Variants in RACGAP1 observed in about 807,000 individuals in gnomAD.
The protein encoded by RACGAP1 is rac GTPase-activating protein 1.
RACGAP1 carries 30 observed loss-of-function variants against 78.1 expected under a neutral mutation model. That is an observed-to-expected ratio of 0.38 (90% CI 0.29 to 0.52). RACGAP1 has a LOEUF of 0.52. Ranked by LOEUF, RACGAP1 falls within the 20% of genes least tolerant of loss-of-function variation. RACGAP1 has a pLI of 0.82. For synonymous variants in RACGAP1, 231 were observed against 264.8 expected, an observed-to-expected ratio of 0.87 and a Z score of 1.24; for missense variants, 587 against 777.1, an observed-to-expected ratio of 0.76 and a Z score of 2.91.
At position 50,006,486 on chromosome 12, in the gene RACGAP1, A is replaced by C. The variant is rs766081912; in HGVS notation, c.236T>G (p.Val79Gly). Residue 79 changes from valine to glycine, a missense_variant, in exon 3 of 17, where the codon GTG becomes GGG. Transcript: ENST00000312377. ...CTGTCTCCGTTTGATCTCTACATCC[A>C]CCTGATTACGTGCATGCTTCAGCTT... ...DVKLKHARNQ[V>G]DVEIKRRQRA... The C allele has an allele frequency of 2.5e-6, 4 of 1,614,112 alleles. No homozygotes were observed. In the East Asian group the frequency reaches 8.9e-5, roughly 36 times the overall value.
chr12:49,990,550 A>T (rs1947767764), intron 16 of RACGAP1, 134 bp downstream of exon 16: 2 of 809,022 alleles, frequency 2.5e-6, no homozygotes, highest in African/African-American at 1.7e-5. Context: ...GAATCCTTAT[A>T]GCCCCACGTT....
Position 50,032,536 on chromosome 12 carries a change from AGTGTGT to A in RACGAP1, c.-195+428_-195+433del, listed in dbSNP as rs60239235. 2.2e-4 allele frequency among the ~76,000 whole-genome samples: 32 copies of A among 147,116 alleles called. No homozygotes were observed. The East Asian group carries it at 2.6e-3, about 12-fold the overall frequency. ...CGAGAAGGCAGCAAAGGAAAAGGTGAGTGTGTGTGTGTGTGTGTGTGTGTGTGTGTG... is the reference window on the plus strand; with the variant it reads ...CGAGAAGGCAGCAAAGGAAAAGGTGAGTGTGTGTGTGTGTGTGTGTGTGTG... On this transcript the variant is annotated intron_variant, in intron 1 of 3. Transcript: ENST00000548247.
At position 50,006,517 on chromosome 12, in the gene RACGAP1, C is replaced by T. The variant is rs139702064; in HGVS notation, c.205G>A (p.Asp69Asn). 819 of 1,614,160 alleles carry T rather than the reference C, an allele frequency of 5.1e-4. 1 individual carries two copies. The highest frequency in any genetic ancestry group is 7.5e-4 in the Admixed American group (45 of 60,016). ...MKAETERSAL[D>N]VKLKHARNQV... ...TTACGTGCATGCTTCAGCTTAACAT[C>T]CAGAGCACTTCGCTCAGTCTCTGCT... The change falls in exon 3 of 17, where the codon GAT becomes AAT. Residue 69 changes from aspartate (D) to asparagine (N), a missense_variant. By Grantham distance (23) the Asp-to-Asn change is conservative (BLOSUM62 1). Transcript: ENST00000312377.
chr12:50,007,087 C>G (rs1024248829), intron 2 of RACGAP1, among the ~76,000 whole-genome samples: 4 of 152,160 alleles, frequency 2.6e-5, no homozygotes, highest in African/African-American at 9.7e-5. Flanking sequence ...AATGTAACTG[C>G]TGTAATATGC....
intron 2 of RACGAP1, among the ~76,000 whole-genome samples, chr12:50,011,017 G>A (rs1294677575): frequency 6.6e-6 from 1 of 151,950 alleles, no homozygotes; most frequent in Non-Finnish European, 1.5e-5. Context: ...GGGATACTTG[G>A]GCATGTGGGG....
intron 3 of RACGAP1, 41 bp downstream of exon 3, chr12:50,006,393 T>G: frequency 6.2e-7 from 1 of 1,604,100 alleles, no homozygotes; most frequent in Non-Finnish European, 8.5e-7. Context: ...GCCTTCCCCC[T>G]CCTGCATCAT....
rs1947735552 is a variant in RACGAP1, at chr12:49,990,172, A to T, written c.*96T>A. On this transcript the variant is annotated 3_prime_UTR_variant, in exon 17 of 17. Transcript: ENST00000312377. Reference sequence around the variant, plus strand: ...CTTGAGTAAAAGCCTGGAGAATGCTAAAAGTAGTAATGAGTACAGGAGGCT... The same window carrying T: ...CTTGAGTAAAAGCCTGGAGAATGCTTAAAGTAGTAATGAGTACAGGAGGCT... The T allele has an allele frequency of 9.9e-7, 1 of 1,011,538 alleles. No homozygotes were observed. Among genetic ancestry groups the T allele is most frequent in the East Asian group, 2.4e-5 (1 of 41,386 alleles). The allele number at this position is 1,011,538 out of a possible 1,614,324, so 62.7% of individuals were successfully genotyped here.
intron 6 of RACGAP1, among the ~76,000 whole-genome samples, chr12:50,001,895 G>A (rs577301444): frequency 1.3e-5 from 2 of 151,834 alleles, no homozygotes; most frequent in African/African-American, 2.4e-5. Context: ...GTGAAACCCC[G>A]TTTCTACTAA....
Position 49,992,009 on chromosome 12 carries a change from G to T in RACGAP1, c.1703C>A (p.Pro568Gln). ...NSNAFSTPQT[P>Q]DIKVSLLGPV... The stretch of plus-strand genomic sequence containing the variant: ...ATCTTGGGCCTTACCTTTAATATCT[G>T]GTGTCTGTGGTGTTGAAAAGGCATT... Residue 568 changes from proline to glutamine, a missense_variant, in exon 15 of 17, where the codon CCA (proline) becomes CAA (glutamine). Coordinates refer to ENST00000312377, the MANE Select transcript of RACGAP1 (RefSeq NM_001319999.2). 6.2e-7 allele frequency: 1 copy of T among 1,613,790 alleles called. No individual in the cohort carries two copies. The highest frequency in any genetic ancestry group is 8.5e-7 in the Non-Finnish European group (1 of 1,179,962).
intron 15 of RACGAP1, among the ~76,000 whole-genome samples, chr12:49,991,058 A>C (rs540534407): frequency 1.4e-4 from 21 of 152,322 alleles, no homozygotes; most frequent in Middle Eastern, 3.4e-3. Context: ...TTTTAGCTAT[A>C]CTAGAAGAAG....
chr12:50,018,472 T>A lies in RACGAP1; in HGVS notation c.-4-1753A>T, dbSNP rs557544021. 5.7e-4 allele frequency: 653 copies of A among 1,150,476 alleles called. 5 individuals carry two copies. The highest frequency in any genetic ancestry group is 4.3e-3 in the Middle Eastern group (19 of 4,410). 71.3% of individuals were successfully genotyped at this position (1,150,476 alleles called of 1,614,324 possible). On this transcript the variant is annotated intron_variant, in intron 1 of 16. Coordinates refer to ENST00000312377, the MANE Select transcript of RACGAP1 (RefSeq NM_001319999.2). ...CCGGCAGGAAGAGCTGTGGAATTCA[T>A]GGAGATGCCATGGATTTAACATATA...
chr12:50,002,022 G>A (rs772164104), intron 6 of RACGAP1, among the ~76,000 whole-genome samples: 72 of 146,880 alleles, frequency 4.9e-4, no homozygotes, highest in Admixed American at 2.4e-3. Context: ...CCGAGATCGC[G>A]CCATTGCACT....
intron 10 of RACGAP1, among the ~76,000 whole-genome samples, chr12:49,995,285 T>A (rs542408217): frequency 2.2e-4 from 34 of 151,848 alleles, no homozygotes; most frequent in African/African-American, 7.7e-4. Flanking sequence ...GAGGTGGAGG[T>A]TGTGGTGAGT....
At chr12:50,017,499 GA>G (rs1185500145) in intron 1 of RACGAP1, among the ~76,000 whole-genome samples, 1 of 152,168 alleles carries the variant, frequency 6.6e-6, no homozygotes, top group Non-Finnish European at 1.5e-5. Flanking sequence ...TGATACTATA[GA>G]AAAAACAGTG....
rs1352580690 is a variant in RACGAP1, at chr12:49,989,506, T to C, written c.*762A>G. Reference sequence around the variant, plus strand: ...GCTCCACTGGACAAGGTTGGGGGTATGGGGGCCAAGCATCAGAATGAATTC... The same window carrying C: ...GCTCCACTGGACAAGGTTGGGGGTACGGGGGCCAAGCATCAGAATGAATTC... On this transcript the variant is annotated 3_prime_UTR_variant, in exon 17 of 17. Coordinates refer to ENST00000312377, the MANE Select transcript of RACGAP1 (RefSeq NM_001319999.2). 1 of 152,214 alleles carries C rather than the reference T, an allele frequency of 6.6e-6. No homozygotes were observed. Among genetic ancestry groups the C allele is most frequent in the African/African-American group, 2.4e-5 (1 of 41,440 alleles). The allele number at this position is 152,214 out of a possible 1,614,324, so 9.4% of individuals were successfully genotyped here. A position where few individuals can be genotyped will look rare whatever the true frequency, so the allele number is the denominator to read the frequency against.
At chr12:50,002,884 C>A (rs1306303789) in intron 5 of RACGAP1, among the ~76,000 whole-genome samples, 1 of 151,948 alleles carries the variant, frequency 6.6e-6, no homozygotes, top group Non-Finnish European at 1.5e-5. Flanking sequence ...ATTAGCCAGG[C>A]GTGGTGGCGG....
In RACGAP1 at chr12:49,992,274, T is replaced by G; in HGVS notation, c.1549A>C (p.Met517Leu). ...GGTTGACGCTTGATGTCCTGTAACA[T>G]TGTCACTGGGTCTGGATTGGGCACA... ...HAVPNPDPVT[M>L]LQDIKRQPKV... is the part of the protein sequence containing the mutation. The change falls in exon 14 of 17, where the codon ATG becomes CTG. Residue 517 changes from methionine to leucine, a missense_variant. Physicochemically the swap from Met to Leu is conservative, Grantham distance 15 (BLOSUM62 2). Coordinates refer to ENST00000312377, the MANE Select transcript of RACGAP1 (RefSeq NM_001319999.2). 6.2e-7 allele frequency: 1 copy of G among 1,614,168 alleles called. No individual in the cohort carries two copies. Among genetic ancestry groups the G allele is most frequent in the Non-Finnish European group, 8.5e-7 (1 of 1,180,034 alleles).
chr12:50,013,156 TAAATG>T (rs1949457640), intron 2 of RACGAP1, among the ~76,000 whole-genome samples: 1 of 152,092 alleles, frequency 6.6e-6, no homozygotes, highest in Non-Finnish European at 1.5e-5. Context: ...ATAATAGAAA[TAAATG>T]GGAAGGTAAA....
chr12:50,005,152 T>G, intron 4 of RACGAP1, 104 bp downstream of exon 4: 1 of 1,533,094 alleles, frequency 6.5e-7, no homozygotes, highest in African/African-American at 1.4e-5. Context: ...TCTGCTTTTT[T>G]CAGCACACAT....
Sources: gnomAD v4.1 joint callset for allele counts (sites outside exome capture counted in the v4.1 genomes callset) on GRCh38, gnomAD v4.1.1 for gene constraint, MANE v1.5 for transcripts, NCBI Gene and HGNC (gene_info 2026-07-23, HGNC 2026-07-21) for gene names.